Variants in HEATR5A observed in about 807,000 individuals in gnomAD.
The protein encoded by HEATR5A is HEAT repeat containing 5A.
A neutral mutation model predicts 218.8 loss-of-function variants in HEATR5A; 178 were observed. The observed-to-expected ratio is 0.81, with a 90% CI of 0.72 to 0.92. The LOEUF (loss-of-function observed/expected upper bound fraction) is 0.92, where lower values mean the gene tolerates loss of function less well. HEATR5A is among the 40% of genes least tolerant of loss of function. The probability of loss-of-function intolerance (pLI) is 0.00; values close to 1 mark genes in which losing one functional copy is unlikely to be tolerated. For synonymous variants in HEATR5A, 864 were observed against 871.6 expected, an observed-to-expected ratio of 0.99 and a Z score of 0.15; for missense variants, 2,420 against 2,418.9, an observed-to-expected ratio of 1.00 and a Z score of -0.01.
intron 14 of HEATR5A, among the ~76,000 whole-genome samples, chr14:31,361,920 G>A (rs1901628230): frequency 6.6e-6 from 1 of 151,760 alleles, no homozygotes; most frequent in Admixed American, 6.6e-5. Context: ...ACAACACATT[G>A]GAGGAACCAA....
intron 18 of HEATR5A, among the ~76,000 whole-genome samples, chr14:31,348,443 C>A (rs1255699780): frequency 6.6e-6 from 1 of 151,956 alleles, no homozygotes; most frequent in African/African-American, 2.4e-5. Context: ...ATTAACTGGG[C>A]GTAGTGTCAC....
chr14:31,315,795 A>C lies in HEATR5A; in HGVS notation c.4193T>G (p.Leu1398Ter). Residue 1398 changes from leucine (L) to a stop codon, truncating the protein, a stop_gained, in exon 27 of 36, where the codon TTA (leucine) becomes TGA (stop). Coordinates refer to ENST00000543095, the MANE Select transcript of HEATR5A (RefSeq NM_015473.4). LOFTEE classifies it high-confidence loss of function. ...CTCTGCCCAGGCTTTAAGCACAGCTAAGATCTCCATGGTAGAAGCACTTTC... is the reference window on the plus strand; with the variant it reads ...CTCTGCCCAGGCTTTAAGCACAGCTCAGATCTCCATGGTAGAAGCACTTTC... ...YNESASTMEI[L>*]AVLKAWAEVY... is the part of the protein sequence containing the mutation. 6.2e-7 allele frequency: 1 copy of C among 1,610,840 alleles called. No homozygotes were observed. The highest frequency in any genetic ancestry group is 2.2e-5 in the East Asian group (1 of 44,838).
rs180866463 is a variant in HEATR5A, at chr14:31,323,635, T to C, written c.3717A>G (p.Gln1239=). The change falls in exon 24 of 36, where the codon CAA becomes CAG. Residue 1239 remains glutamine, a synonymous_variant. Coordinates refer to ENST00000543095, the MANE Select transcript of HEATR5A (RefSeq NM_015473.4). ...AATGTGCACTGTTAGCATTCTCACA[T>C]TGGTTAATTATCCTACAGACACATT... ...AAECVCRIIN[Q]CENANSAHFD... 90 of 1,612,984 alleles carry C rather than the reference T, an allele frequency of 5.6e-5. No homozygotes were observed. The African/African-American group carries it at 9.2e-4, about 16-fold the overall frequency.
chr14:31,361,198 G>C (rs1463063504), intron 14 of HEATR5A, among the ~76,000 whole-genome samples: 2 of 152,086 alleles, frequency 1.3e-5, no homozygotes, highest in East Asian at 3.8e-4. Context: ...CATCCAAATT[G>C]TGTTTAATAT....
rs1388378678 is a variant in HEATR5A at position 31,313,182 on chromosome 14, T to C, written c.4227A>G (p.Ile1409Met). The change falls in exon 28 of 36, where the codon ATA becomes ATG. Residue 1409 changes from isoleucine (I) to methionine (M), a missense_variant. Transcript: ENST00000543095. Reference sequence around the variant, plus strand: ...GGTTTTTATGTCTTTGCACAGCAATTATGTAGACCTGTTAAAGGTTAATTT... The same window carrying C: ...GGTTTTTATGTCTTTGCACAGCAATCATGTAGACCTGTTAAAGGTTAATTT... ...AVLKAWAEVY[I>M]IAVQRHKNHR... is the part of the protein sequence containing the mutation. The C allele has an allele frequency of 6.2e-7, 1 of 1,609,926 alleles. No homozygotes were observed.
intron 21 of HEATR5A, among the ~76,000 whole-genome samples, chr14:31,339,899 TA>T (rs1900788580): frequency 6.6e-6 from 1 of 152,202 alleles, no homozygotes; most frequent in Non-Finnish European, 1.5e-5. Flanking sequence ...GGAAAGTTAA[TA>T]AATCTACTAG....
rs1899044941 is a variant in HEATR5A, at chr14:31,291,890, A to T, written c.*1415T>A. ...CTGAACAATTTACAATAGTATTTAT[A>T]TACAAACATAATAAAATAGGTACAT... On this transcript the variant is annotated 3_prime_UTR_variant, in exon 36 of 36. Transcript: ENST00000543095. The T allele has an allele frequency of 6.6e-6, 1 of 152,168 alleles. No homozygotes were observed. Among genetic ancestry groups the T allele is most frequent in the African/African-American group, 2.4e-5 (1 of 41,406 alleles). 9.4% of individuals were successfully genotyped at this position (152,168 alleles called of 1,614,324 possible).
intron 4 of HEATR5A, among the ~76,000 whole-genome samples, chr14:31,396,464 T>G (rs564043466): frequency 6.6e-6 from 1 of 151,854 alleles, no homozygotes; most frequent in Non-Finnish European, 1.5e-5. Flanking sequence ...GAAAAAGAAA[T>G]AGTAGCTGCT....
At chr14:31,402,485 A>T (rs1001388466) in intron 2 of HEATR5A, among the ~76,000 whole-genome samples, 3 of 152,172 alleles carry the variant, frequency 2.0e-5, no homozygotes, top group Non-Finnish European at 4.4e-5. Context: ...TTTAAAGTGA[A>T]ACTCCCACTA....
chr14:31,328,162 C>A (rs149429740), intron 22 of HEATR5A, among the ~76,000 whole-genome samples: 1 of 151,904 alleles, frequency 6.6e-6, no homozygotes. Flanking sequence ...CCATGTTGGC[C>A]AGGCTGGTCT....
intron 1 of HEATR5A, among the ~76,000 whole-genome samples, chr14:31,414,506 T>C (rs1025129722): frequency 3.3e-5 from 5 of 152,218 alleles, no homozygotes; most frequent in Non-Finnish European, 7.3e-5. Flanking sequence ...TATAGATATT[T>C]TTAAAAGCAG....
intron 6 of HEATR5A, among the ~76,000 whole-genome samples, chr14:31,389,654 C>A (rs7159084): frequency 6.6e-6 from 1 of 151,902 alleles, no homozygotes; most frequent in Non-Finnish European, 1.5e-5. Flanking sequence ...ATTATCTCCC[C>A]AAAAAAAAGA....
chr14:31,416,159 C>G (rs1365641657), intron 1 of HEATR5A, among the ~76,000 whole-genome samples: 2 of 152,140 alleles, frequency 1.3e-5, no homozygotes, highest in Admixed American at 6.5e-5. Flanking sequence ...GCTCTGTCGC[C>G]TAGGCTGCAG....
chr14:31,328,038 T>A (rs1221288117), intron 22 of HEATR5A, among the ~76,000 whole-genome samples: 2 of 152,164 alleles, frequency 1.3e-5, no homozygotes, highest in African/African-American at 2.4e-5. Context: ...AATCTCTGCC[T>A]CCTGAGTTCA....
chr14:31,344,916 T>C (rs1201227840), intron 20 of HEATR5A, among the ~76,000 whole-genome samples, 171 bp downstream of exon 20: 1 of 152,254 alleles, frequency 6.6e-6, no homozygotes, highest in Non-Finnish European at 1.5e-5. Context: ...ATTGTCTAAA[T>C]ATTGTACTCT....
intron 33 of HEATR5A, among the ~76,000 whole-genome samples, chr14:31,301,009 G>A (rs1899352660): frequency 6.6e-6 from 1 of 151,988 alleles, no homozygotes; most frequent in African/African-American, 2.4e-5. Context: ...CACACCCTAC[G>A]GCAATTTATA....
At chr14:31,380,365 G>A in intron 11 of HEATR5A, 102 bp downstream of exon 11, 2 of 683,138 alleles carry the variant, frequency 2.9e-6, no homozygotes, top group South Asian at 2.2e-5. Flanking sequence ...TTTAAATTCT[G>A]GTATGTATTA....
At chr14:31,336,219 T>C (rs1242778260) in intron 22 of HEATR5A, among the ~76,000 whole-genome samples, 110 of 2,754 alleles carry the variant, frequency 0.04, 1 homozygote, top group African/African-American at 0.12. Context: ...CATACATACA[T>C]ATATATATAT....
At chr14:31,393,892 C>T (rs764812535) in intron 6 of HEATR5A, among the ~76,000 whole-genome samples, 160 bp downstream of exon 6, 3 of 152,208 alleles carry the variant, frequency 2.0e-5, no homozygotes, top group Admixed American at 6.5e-5. Context: ...AGGTGATCCA[C>T]CCGCCTTGGC....
Sources: allele counts gnomAD v4.1 joint callset (sites outside exome capture counted in the v4.1 genomes callset), GRCh38; gene constraint gnomAD v4.1.1; transcripts MANE v1.5; gene names NCBI Gene and HGNC (gene_info 2026-07-23, HGNC 2026-07-21).